Variants in MGST1 observed in about 807,000 individuals in gnomAD.
MGST1 encodes microsomal glutathione S-transferase 1.
MGST1 carries 5 observed loss-of-function variants against 8.9 expected under a neutral mutation model. The ratio of observed to expected loss-of-function variants is 0.56; its 90% CI spans 0.29 to 1.19. The LOEUF (loss-of-function observed/expected upper bound fraction) is 1.19, where lower values mean the gene tolerates loss of function less well. Ranked by LOEUF, MGST1 falls within the 50% of genes most tolerant of loss-of-function variation. MGST1 has a pLI of 0.08. For missense variants in MGST1, 182 were observed against 187.4 expected (o/e 0.97, Z 0.17); for synonymous variants, 54 against 67.8 (o/e 0.80, Z 1.00).
At chr12:16,380,793 T>A (rs1390368694), downstream of MGST1, among the ~76,000 whole-genome samples, 1 of 152,176 alleles carries the variant, frequency 6.6e-6, no homozygotes, top group East Asian at 1.9e-4. Flanking sequence ...TCTTTGTAGG[T>A]CACTGATGAC....
chr12:16,577,445 T>G (rs1012574538), intron 4 of MGST1, among the ~76,000 whole-genome samples: 9 of 152,190 alleles, frequency 5.9e-5, no homozygotes, highest in Non-Finnish European at 1.2e-4. Flanking sequence ...GTCATCTTAT[T>G]GCATTTATTT....
At position 16,360,383 on chromosome 12, in the gene MGST1, G is replaced by A. The variant is rs568811302; in HGVS notation, c.221+2684G>A. On this transcript the variant is annotated intron_variant, in intron 3 of 3. Transcript: ENST00000396210. ...AATGAAGTGAAAAGTATGCTTTACC[G>A]TGTGCAACAATTGTGAAAGTTAATA... 8 of 984,548 alleles carry A rather than the reference G, an allele frequency of 8.1e-6. No homozygotes were observed. The South Asian group carries it at 2.3e-4, about 29-fold the overall frequency. The allele number at this position is 984,548 out of a possible 1,614,324, so 61.0% of individuals were successfully genotyped here.
intron 4 of MGST1, among the ~76,000 whole-genome samples, chr12:16,466,009 G>A (rs758575295): frequency 6.6e-6 from 1 of 152,068 alleles, no homozygotes; most frequent in Non-Finnish European, 1.5e-5. Context: ...TTTTTCTTAT[G>A]TTTTAGACTG....
chr12:16,415,102 A>G (rs117036360), intron 1 of MGST1, among the ~76,000 whole-genome samples: 2,238 of 152,302 alleles, frequency 0.015, 75 homozygotes, highest in Admixed American at 0.09. Context: ...AGGGACTGGA[A>G]CATTAAAAGC....
rs1941592321 is a variant in MGST1 at position 16,513,729 on chromosome 12, G to GTTTGTC, written n.483-75799_483-75798insTTTGTC. On this transcript the variant is annotated intron_variant and non_coding_transcript_variant, in intron 4 of 4. Coordinates refer to the MGST1 transcript ENST00000538857. The surrounding 1 kb of genome is among the most constrained non-coding windows in gnomAD (Gnocchi z 4.2). The stretch of plus-strand genomic sequence containing the variant: ...CATCTGCAGAAGTAGCCTTGGGCGA[G>GTTTGTC]AATAGCGAAGTCTCGAAAAGTGGCC... 6 of 567,536 alleles carry GTTTGTC rather than the reference G, an allele frequency of 1.1e-5. No homozygotes were observed. Among genetic ancestry groups the GTTTGTC allele is most frequent in the Non-Finnish European group, 2.1e-5 (6 of 283,374 alleles). The allele number at this position is 567,536 out of a possible 1,614,324, so 35.2% of individuals were successfully genotyped here. A position where few individuals can be genotyped will look rare whatever the true frequency, so the allele number is the denominator to read the frequency against.
At chr12:16,466,314 C>A (rs1941254905) in intron 4 of MGST1, among the ~76,000 whole-genome samples, 1 of 152,154 alleles carries the variant, frequency 6.6e-6, no homozygotes. Flanking sequence ...CTTCACCCCA[C>A]CATCCCTCTC....
intron 4 of MGST1, among the ~76,000 whole-genome samples, chr12:16,572,774 A>G (rs549912384): frequency 6.6e-6 from 1 of 150,558 alleles, no homozygotes; most frequent in African/African-American, 2.4e-5. Flanking sequence ...ATTTTTGTAA[A>G]AAACAGAGAC....
intron 4 of MGST1, among the ~76,000 whole-genome samples, chr12:16,528,442 A>C (rs1941702905): frequency 1.3e-5 from 2 of 152,178 alleles, no homozygotes; most frequent in South Asian, 4.1e-4. Context: ...TAAGAATATT[A>C]TTATGCAAGC....
At chr12:16,364,435 A>G, downstream of MGST1, 2 of 975,528 alleles carry the variant, frequency 2.1e-6, no homozygotes, top group Non-Finnish European at 2.4e-6. This position sits in a 1 kb window ranked among gnomAD's most constrained non-coding sequence, Gnocchi z 5.7. Flanking sequence ...ATTTTTCCCA[A>G]CATTTTATTT....
chr12:16,440,818 C>A (rs1941032917), downstream of MGST1, among the ~76,000 whole-genome samples: 2 of 151,644 alleles, frequency 1.3e-5, no homozygotes, highest in Non-Finnish European at 2.9e-5. Context: ...AGTGGCTGTG[C>A]CCATTTATGT....
intron 4 of MGST1, among the ~76,000 whole-genome samples, chr12:16,487,855 A>G (rs936642189): frequency 6.6e-6 from 1 of 152,016 alleles, no homozygotes; most frequent in Non-Finnish European, 1.5e-5. Context: ...GGGTCTCACT[A>G]TGTTGCCCAG....
intron 1 of MGST1, among the ~76,000 whole-genome samples, chr12:16,409,261 AATGTGTGT>A (rs1028659832): frequency 3.3e-5 from 5 of 151,980 alleles, no homozygotes; most frequent in African/African-American, 1.2e-4. Flanking sequence ...GGTGATGTGT[AATGTGTGT>A]ATGTGTGTGT....
At chr12:16,541,724 G>C (rs1941794550) in intron 4 of MGST1, among the ~76,000 whole-genome samples, 1 of 152,124 alleles carries the variant, frequency 6.6e-6, no homozygotes, top group African/African-American at 2.4e-5. Flanking sequence ...AGCCAGATTG[G>C]AAGGAGAAGT....
chr12:16,464,277 C>G (rs1240484652), intron 4 of MGST1, among the ~76,000 whole-genome samples: 7 of 152,168 alleles, frequency 4.6e-5, no homozygotes, highest in Non-Finnish European at 8.8e-5. Flanking sequence ...TTCATGTTAT[C>G]TAATGCTGCA....
rs765941308 is a variant in MGST1, at chr12:16,513,066, A to G, written n.483-76462A>G. Among the ~76,000 whole-genome samples, 1 of 152,212 alleles carries G rather than the reference A, an allele frequency of 6.6e-6. No individual in the cohort carries two copies. Among genetic ancestry groups the G allele is most frequent in the Non-Finnish European group, 1.5e-5 (1 of 68,026 alleles). ...GTACAAATAAAGATTAAAATTCTGC[A>G]TATCTGCTTCTCTAGTTATCATTAT... On this transcript the variant is annotated intron_variant and non_coding_transcript_variant, in intron 4 of 4. Coordinates refer to the MGST1 transcript ENST00000538857. The surrounding 1 kb of genome is among the most constrained non-coding windows in gnomAD (Gnocchi z 4.2).
intron 4 of MGST1, among the ~76,000 whole-genome samples, chr12:16,492,241 C>T (rs1404471135): frequency 2.0e-5 from 3 of 151,990 alleles, no homozygotes. Context: ...AATCTTGCAC[C>T]TGAAAAATAG....
intron 1 of MGST1, among the ~76,000 whole-genome samples, chr12:16,396,078 G>T (rs575279021): frequency 1.3e-5 from 2 of 152,138 alleles, no homozygotes; most frequent in African/African-American, 4.8e-5. Flanking sequence ...CCACAGTGTA[G>T]AAATGTTCCC....
At chr12:16,495,961 AT>A (rs1941467926) in intron 4 of MGST1, among the ~76,000 whole-genome samples, 1 of 152,082 alleles carries the variant, frequency 6.6e-6, no homozygotes, top group African/African-American at 2.4e-5. Flanking sequence ...CTGTTTATGT[AT>A]TTATATGACA....
Position 16,584,152 on chromosome 12 carries a change from G to A in MGST1, n.483-5376G>A, listed in dbSNP as rs1943247468. On this transcript the variant is annotated intron_variant and non_coding_transcript_variant, in intron 4 of 4. Coordinates refer to the MGST1 transcript ENST00000538857. The surrounding 1 kb of genome is among the most constrained non-coding windows in gnomAD (Gnocchi z 5.2). ...GAATTGTGGTAAGAGGGAAATGACA[G>A]CAGTGAGTAGGGGTAAAAGGTAGTA... Among the ~76,000 whole-genome samples, 1 of 152,148 alleles carries A rather than the reference G, an allele frequency of 6.6e-6. No individual in the cohort carries two copies. Among genetic ancestry groups the A allele is most frequent in the Non-Finnish European group, 1.5e-5 (1 of 68,038 alleles).
Sources: allele counts gnomAD v4.1 joint callset (sites outside exome capture counted in the v4.1 genomes callset), GRCh38; gene constraint gnomAD v4.1.1; non-coding constraint Gnocchi (gnomAD v3.1); transcripts MANE v1.5; gene names NCBI Gene and HGNC (gene_info 2026-07-23, HGNC 2026-07-21).